LIPA: variants seen among roughly 807,000 people sequenced by gnomAD.
LIPA encodes the protein lipase A, lysosomal acid type.
Under a neutral mutation model 40.6 loss-of-function variants are expected in LIPA, and 26 were observed. The observed-to-expected ratio is 0.64, with a 90% CI of 0.47 to 0.89. LIPA has a LOEUF of 0.89. Among genes scored for constraint, LIPA ranks in the 40% least tolerant of loss-of-function variants. The pLI is 0.00. For synonymous variants in LIPA, 188 were observed against 168.4 expected, an observed-to-expected ratio of 1.12 and a Z score of -0.90; for missense variants, 455 against 479.6, an observed-to-expected ratio of 0.95 and a Z score of 0.48.
rs1352943829 is a variant in LIPA, at chr10:89,281,869, A to G, written c.-1-34220T>C. 3.3e-5 allele frequency among the ~76,000 whole-genome samples: 5 copies of G among 152,246 alleles called. No individual in the cohort carries two copies. The South Asian group carries it at 1.0e-3, about 31-fold the overall frequency. ...GAACATCATAGGGCCAGCTACTGAG[A>G]ACTATACATACTATCCCTACTTAGT... On this transcript the variant is annotated intron_variant, in intron 1 of 5. Transcript: ENST00000282673.
rs1449972017 is a variant in LIPA, at chr10:89,215,147, A to G, written c.967-86T>C. On this transcript the variant is annotated intron_variant, in intron 9 of 9. Transcript: ENST00000336233. ...ACAATAAGCGCAATCTCCATTAAAC[A>G]TTGTCTAGTAAGTTTGACTAACAGA... 5.1e-6 allele frequency: 5 copies of G among 988,248 alleles called. No individual in the cohort carries two copies. The East Asian group carries it at 1.2e-4, about 24-fold the overall frequency. 61.2% of individuals were successfully genotyped at this position (988,248 alleles called of 1,614,324 possible). A position where few individuals can be genotyped will look rare whatever the true frequency, so the allele number is the denominator to read the frequency against.
chr10:89,373,192 G>C (rs1372609741), intron 2 of LIPA, among the ~76,000 whole-genome samples: 2 of 151,810 alleles, frequency 1.3e-5, no homozygotes, highest in African/African-American at 4.8e-5. Context: ...AACATTTGCC[G>C]GGCGTGGTGG....
intron 3 of LIPA, among the ~76,000 whole-genome samples, chr10:89,236,383 A>G (rs988622380): frequency 6.6e-6 from 1 of 152,230 alleles, no homozygotes; most frequent in Non-Finnish European, 1.5e-5. Context: ...AATCATCTCC[A>G]CGTAAGCAGT....
In LIPA at chr10:89,392,473, C is replaced by A. The variant is rs1490450941; in HGVS notation, c.61+20318G>T. On this transcript the variant is annotated intron_variant, in intron 2 of 8. Transcript: ENST00000371837. ...ATAGAAACAAAGTTTCATTCCCCAC[C>A]CCCCCCCGTCAGCAGGAATTCCGCT... 4.9e-5 allele frequency: 9 copies of A among 184,562 alleles called. 2 individuals are homozygous for A. Among genetic ancestry groups the A allele is most frequent in the East Asian group, 1.7e-4 (1 of 5,978 alleles). The allele number at this position is 184,562 out of a possible 1,614,324, so 11.4% of individuals were successfully genotyped here.
chr10:89,255,644 C>G (rs1477831918), upstream of LIPA, among the ~76,000 whole-genome samples: 1 of 152,142 alleles, frequency 6.6e-6, no homozygotes, highest in Non-Finnish European at 1.5e-5. Context: ...ATAGGACTTG[C>G]TGGTGGATTG....
At chr10:89,370,164 G>A (rs144539885) in intron 2 of LIPA, among the ~76,000 whole-genome samples, 1,950 of 152,120 alleles carry the variant, frequency 0.013, 23 homozygotes, top group South Asian at 0.035. Context: ...CACTTGCAGT[G>A]CTCAATAGTA....
At chr10:89,375,957 C>G (rs1303411765) in intron 2 of LIPA, among the ~76,000 whole-genome samples, 3 of 151,998 alleles carry the variant, frequency 2.0e-5, no homozygotes, top group African/African-American at 7.2e-5. Flanking sequence ...GAGGCCAACA[C>G]AGGTGCATCA....
At chr10:89,240,925 C>CAGAAAAGT (rs1842957795) in intron 3 of LIPA, among the ~76,000 whole-genome samples, 1 of 152,274 alleles carries the variant, frequency 6.6e-6, no homozygotes, top group Admixed American at 6.5e-5. Flanking sequence ...TAAAGAGAAT[C>CAGAAAAGT]AGAAAAGTCT....
At chr10:89,396,771 A>G (rs1228724414) in intron 2 of LIPA, among the ~76,000 whole-genome samples, 1 of 152,218 alleles carries the variant, frequency 6.6e-6, no homozygotes, top group Non-Finnish European at 1.5e-5. Context: ...ATTGTAGCCA[A>G]CTTACTGGGT....
intron 2 of LIPA, among the ~76,000 whole-genome samples, chr10:89,364,914 G>T (rs1844046793): frequency 1.3e-5 from 2 of 152,094 alleles, no homozygotes; most frequent in African/African-American, 4.8e-5. Context: ...ATGTCTGTGT[G>T]GGAAGCAAGA....
At chr10:89,378,247 C>G (rs1844137032) in intron 2 of LIPA, 1 of 1,127,800 alleles carries the variant, frequency 8.9e-7, no homozygotes, top group African/African-American at 1.5e-5. Context: ...GGGAGCTGTC[C>G]CACTGGTGGT....
At chr10:89,316,321 G>A (rs1047924648) in intron 1 of LIPA, among the ~76,000 whole-genome samples, 2 of 152,336 alleles carry the variant, frequency 1.3e-5, no homozygotes, top group Admixed American at 6.5e-5. Flanking sequence ...TCCTAGCCAA[G>A]GGAAGCCATG....
intron 1 of LIPA, among the ~76,000 whole-genome samples, chr10:89,272,083 T>A (rs118103570): frequency 0.019 from 2,804 of 150,662 alleles, 42 homozygotes; most frequent in Non-Finnish European, 0.026. Flanking sequence ...AAAAAAAAAA[T>A]TTAAAAAAAA....
intron 1 of LIPA, among the ~76,000 whole-genome samples, chr10:89,289,184 C>A (rs1471719561): frequency 6.6e-6 from 1 of 152,250 alleles, no homozygotes; most frequent in African/African-American, 2.4e-5. Flanking sequence ...GCAAATGGTT[C>A]TTGGACCAAG....
At chr10:89,249,565 G>C (rs1843084587) in intron 1 of LIPA, among the ~76,000 whole-genome samples, 1 of 151,876 alleles carries the variant, frequency 6.6e-6, no homozygotes, top group Non-Finnish European at 1.5e-5. Flanking sequence ...GCTATAAAAG[G>C]GAAGGAACAC....
upstream of LIPA, among the ~76,000 whole-genome samples, chr10:89,346,160 A>ATTTGAC (rs1843919379): frequency 6.6e-6 from 1 of 152,208 alleles, no homozygotes; most frequent in Non-Finnish European, 1.5e-5. Context: ...TCAGCCTATA[A>ATTTGAC]TTTGACTTTT....
intron 3 of LIPA, among the ~76,000 whole-genome samples, chr10:89,231,328 G>A (rs1452466381): frequency 6.6e-6 from 1 of 152,164 alleles, no homozygotes. Context: ...CTGCTGCAAG[G>A]TAGCTTCCGT....
At chr10:89,384,781 T>G (rs376730609) in intron 2 of LIPA, 113 of 1,413,476 alleles carry the variant, frequency 8.0e-5, no homozygotes, top group Non-Finnish European at 1.0e-4. Flanking sequence ...TATAACTAAA[T>G]AGAATGACTA....
intron 1 of LIPA, chr10:89,305,992 C>A (rs1843475304): frequency 1.9e-6 from 3 of 1,613,548 alleles, no homozygotes; most frequent in Non-Finnish European, 2.5e-6. Context: ...TGGAGAGCAG[C>A]CTACGGCAAC....
Sources: gnomAD v4.1 joint callset for allele counts (sites outside exome capture counted in the v4.1 genomes callset) on GRCh38, gnomAD v4.1.1 for gene constraint, MANE v1.5 for transcripts, NCBI Gene and HGNC (gene_info 2026-07-23, HGNC 2026-07-21) for gene names.